Variants in RAD18 observed in about 807,000 individuals in gnomAD.
RAD18 encodes the protein E3 ubiquitin-protein ligase RAD18.
Under a neutral mutation model 60.4 loss-of-function variants are expected in RAD18, and 47 were observed. The observed-to-expected ratio is 0.78, with a 90% CI of 0.62 to 0.99. The LOEUF (loss-of-function observed/expected upper bound fraction) is 0.99, where lower values mean the gene tolerates loss of function less well. Ranked by LOEUF, RAD18 falls within the 50% of genes least tolerant of loss-of-function variation. The pLI is 0.00. For synonymous variants in RAD18, 225 were observed against 195.5 expected (o/e 1.15, Z -1.26); for missense variants, 640 against 593.3 (o/e 1.08, Z -0.82).
At chr3:8,913,862 G>T in intron 7 of RAD18, 142 bp from the exon 8 acceptor site, 1 of 500,534 alleles carries the variant, frequency 2.0e-6, no homozygotes, top group Non-Finnish European at 3.4e-6. Context: ...CAATTTTTCT[G>T]TGAATCAATT....
At chr3:8,905,335 C>G (rs752630029) in intron 9 of RAD18, among the ~76,000 whole-genome samples, 2 of 152,194 alleles carry the variant, frequency 1.3e-5, no homozygotes, top group Non-Finnish European at 2.9e-5. Flanking sequence ...AAGCCCTTTA[C>G]TCCCTGATCA....
chr3:8,945,114 T>C (rs1940818164), intron 4 of RAD18, among the ~76,000 whole-genome samples: 1 of 152,254 alleles, frequency 6.6e-6, no homozygotes, highest in Admixed American at 6.5e-5. Flanking sequence ...GATGTGCATA[T>C]GCAAATACTA....
intron 2 of RAD18, among the ~76,000 whole-genome samples, chr3:8,956,490 A>G (rs1941011464): frequency 1.3e-5 from 2 of 152,310 alleles, no homozygotes; most frequent in South Asian, 4.2e-4. Context: ...AAACTTATGA[A>G]TTATTTATTT....
At chr3:8,891,077 T>A (rs9819454) in intron 11 of RAD18, among the ~76,000 whole-genome samples, 11 of 6,698 alleles carry the variant, frequency 1.6e-3, no homozygotes, top group South Asian at 0.019. Context: ...ATATATAAAA[T>A]ATATATATAT....
At chr3:8,909,161 TA>T (rs2125053646) in intron 9 of RAD18, among the ~76,000 whole-genome samples, 1 of 151,966 alleles carries the variant, frequency 6.6e-6, no homozygotes, top group Admixed American at 6.6e-5. Flanking sequence ...GTAAAGTAGG[TA>T]AAAGATAACC....
chr3:8,903,385 A>C (rs2125051535), intron 9 of RAD18, among the ~76,000 whole-genome samples: 3 of 147,420 alleles, frequency 2.0e-5, no homozygotes, highest in Middle Eastern at 6.9e-3. Context: ...GCTTCTAGGA[A>C]AGTTGAATCA....
intron 7 of RAD18, among the ~76,000 whole-genome samples, chr3:8,930,571 T>G (rs966338592): frequency 6.6e-6 from 1 of 152,208 alleles, no homozygotes; most frequent in African/African-American, 2.4e-5. Flanking sequence ...ATATGAATTA[T>G]ATTTCAATAA....
chr3:8,910,234 C>G (rs74546464), intron 9 of RAD18, among the ~76,000 whole-genome samples: 1 of 152,280 alleles, frequency 6.6e-6, no homozygotes, highest in African/African-American at 2.4e-5. Flanking sequence ...GTGATTTACA[C>G]TTCTGTTGGA....
chr3:8,882,352 T>C (rs1169328719), intron 12 of RAD18, among the ~76,000 whole-genome samples: 1 of 151,976 alleles, frequency 6.6e-6, no homozygotes, highest in African/African-American at 2.4e-5. Context: ...GGGGGAATGG[T>C]AGAAACTAAA....
intron 10 of RAD18, among the ~76,000 whole-genome samples, chr3:8,900,796 T>C (rs1421849912): frequency 6.6e-6 from 1 of 152,202 alleles, no homozygotes; most frequent in Non-Finnish European, 1.5e-5. Flanking sequence ...CTCTCTCACA[T>C]ACCTTACCCT....
intron 7 of RAD18, among the ~76,000 whole-genome samples, chr3:8,929,993 C>A (rs1035109707): frequency 1.3e-5 from 2 of 152,138 alleles, no homozygotes; most frequent in Non-Finnish European, 2.9e-5. Context: ...AATGGTGTAG[C>A]CACTTTGGAC....
Position 8,936,053 on chromosome 3 carries a change from G to C in RAD18, c.707C>G (p.Ser236Cys). The C allele has an allele frequency of 6.5e-7, 1 of 1,543,862 alleles. No individual in the cohort carries two copies. The highest frequency in any genetic ancestry group is 8.7e-7 in the Non-Finnish European group (1 of 1,145,874). The change falls in exon 7 of 13, where the codon TCT becomes TGT. Residue 236 changes from serine (S) to cysteine (C), a missense_variant and splice_region_variant. By Grantham distance (112) the Ser-to-Cys change is moderately radical. Coordinates refer to ENST00000264926, the MANE Select transcript of RAD18 (RefSeq NM_020165.4). ...REEKKESLRSSVHKRKPLPKT... is the reference protein window; with the variant it reads ...REEKKESLRSCVHKRKPLPKT... Reference sequence around the variant, plus strand: ...GGGCAGCGGCTTCCTTTTGTGAACAGAACTGAAAAGGGGGGAAGATACCTG... The same window carrying C: ...GGGCAGCGGCTTCCTTTTGTGAACACAACTGAAAAGGGGGGAAGATACCTG...
chr3:8,892,584 GCATGCACA>G (rs1200192002), intron 11 of RAD18, among the ~76,000 whole-genome samples: 3 of 152,050 alleles, frequency 2.0e-5, no homozygotes, highest in African/African-American at 7.2e-5. Context: ...CTGTGTGTGT[GCATGCACA>G]CACACATGCA....
intron 7 of RAD18, among the ~76,000 whole-genome samples, chr3:8,921,647 A>C (rs1940322700): frequency 6.6e-6 from 1 of 152,170 alleles, no homozygotes; most frequent in Admixed American, 6.5e-5. Flanking sequence ...CTTTAAAAAA[A>C]AACAAGACAG....
chr3:8,927,112 G>A (rs1940455659), intron 7 of RAD18, among the ~76,000 whole-genome samples: 1 of 152,204 alleles, frequency 6.6e-6, no homozygotes, highest in African/African-American at 2.4e-5. Flanking sequence ...TACCATCAGA[G>A]TGAGCAGGCA....
chr3:8,947,496 TA>T (rs1940857079), intron 3 of RAD18, among the ~76,000 whole-genome samples: 2 of 152,224 alleles, frequency 1.3e-5, no homozygotes, highest in African/African-American at 4.8e-5. Context: ...GGAAGTCTGA[TA>T]AAAGCTCTCC....
chr3:8,956,127 C>T (rs1370107211), intron 2 of RAD18, among the ~76,000 whole-genome samples: 1 of 152,138 alleles, frequency 6.6e-6, no homozygotes, highest in African/African-American at 2.4e-5. Flanking sequence ...ATCTTAGCAA[C>T]CTCAGCATAC....
intron 6 of RAD18, 139 bp downstream of exon 6, chr3:8,939,415 G>A: frequency 1.7e-6 from 1 of 593,792 alleles, no homozygotes. Context: ...GGAAGAAGTG[G>A]CCAACAGGAG....
At chr3:8,891,132 C>A (rs1939682271) in intron 11 of RAD18, among the ~76,000 whole-genome samples, 1 of 151,008 alleles carries the variant, frequency 6.6e-6, no homozygotes, top group Non-Finnish European at 1.5e-5. Context: ...AACCTTTTTA[C>A]CCACTTCCCA....
Sources: gnomAD v4.1 joint callset for allele counts (sites outside exome capture counted in the v4.1 genomes callset) on GRCh38, gnomAD v4.1.1 for gene constraint, MANE v1.5 for transcripts, NCBI Gene and HGNC (gene_info 2026-07-23, HGNC 2026-07-21) for gene names.